The following RTN1 variants were observed in gnomAD, a reference collection of about 807,000 sequenced individuals.
The protein encoded by RTN1 is reticulon-1.
A neutral mutation model predicts 65.5 loss-of-function variants in RTN1; 25 were observed. That is an observed-to-expected ratio of 0.38 (90% confidence interval 0.28 to 0.53). The LOEUF (loss-of-function observed/expected upper bound fraction) is 0.53. Among genes scored for constraint, RTN1 ranks in the 20% least tolerant of loss-of-function variants. RTN1 has a pLI of 0.79. For synonymous variants in RTN1, 471 were observed against 447.6 expected (o/e 1.05, Z -0.66); for missense variants, 983 against 1,025.4 (o/e 0.96, Z 0.57).
chr14:59,702,992 C>T (rs1340250336), intron 3 of RTN1, among the ~76,000 whole-genome samples: 3 of 152,148 alleles, frequency 2.0e-5, no homozygotes, highest in Non-Finnish European at 4.4e-5. Context: ...CTAGGCTGCT[C>T]TTCCACCCCA....
At chr14:59,615,305 T>C (rs8009071) in intron 3 of RTN1, among the ~76,000 whole-genome samples, 41,697 of 151,764 alleles carry the variant, frequency 0.27, 6,415 homozygotes, top group African/African-American at 0.41. Flanking sequence ...CAAAATTAGC[T>C]GGGTATGGTA....
intron 4 of RTN1, 80 bp from the exon 5 acceptor site, chr14:59,605,586 C>T (rs1029772934): frequency 4.8e-6 from 7 of 1,458,130 alleles, no homozygotes; most frequent in Admixed American, 1.8e-5. Context: ...AACAGCTAAG[C>T]GTTCCTACTC....
rs2139638596 is a variant in RTN1 at position 59,829,228 on chromosome 14, T to C, written c.241+41162A>G. Among the ~76,000 whole-genome samples, 1 of 152,302 alleles carries C rather than the reference T, an allele frequency of 6.6e-6. No individual in the cohort carries two copies. The highest frequency in any genetic ancestry group is 1.9e-4 in the East Asian group (1 of 5,178). ...TAAGGATGAATAAGATGTACTCTCTTAGGGAGCCTGTGATCTGGCAGATGA... is the reference window on the plus strand; with the variant it reads ...TAAGGATGAATAAGATGTACTCTCTCAGGGAGCCTGTGATCTGGCAGATGA... On this transcript the variant is annotated intron_variant, in intron 1 of 8. Transcript: ENST00000267484. This position sits in a 1 kb window ranked among gnomAD's most constrained non-coding sequence, Gnocchi z 4.3.
chr14:59,767,910 A>C (rs1426910055), intron 1 of RTN1, among the ~76,000 whole-genome samples: 2 of 152,202 alleles, frequency 1.3e-5, no homozygotes, highest in African/African-American at 2.4e-5. Context: ...TTTATGTAAA[A>C]AGCTACATAC....
intron 1 of RTN1, among the ~76,000 whole-genome samples, chr14:59,810,738 A>G (rs755203229): frequency 2.6e-5 from 4 of 152,312 alleles, no homozygotes; most frequent in Non-Finnish European, 4.4e-5. Context: ...AGAATCTTCA[A>G]TATTCATAGG....
At chr14:59,675,133 G>A (rs1173183968) in intron 3 of RTN1, among the ~76,000 whole-genome samples, 1 of 152,082 alleles carries the variant, frequency 6.6e-6, no homozygotes, top group Non-Finnish European at 1.5e-5. Flanking sequence ...GAAGCTCAGT[G>A]AGTTATGGTG....
At chr14:59,654,290 T>C (rs1431769646) in intron 3 of RTN1, among the ~76,000 whole-genome samples, 1 of 151,588 alleles carries the variant, frequency 6.6e-6, no homozygotes, top group Admixed American at 6.6e-5. Flanking sequence ...AAGCCAGACA[T>C]GGTGGCTCGT....
At chr14:59,826,036 C>G (rs2139634404) in intron 1 of RTN1, among the ~76,000 whole-genome samples, 1 of 152,266 alleles carries the variant, frequency 6.6e-6, no homozygotes, top group East Asian at 1.9e-4. Flanking sequence ...TCCCCAACAC[C>G]TGGATCAAAA....
intron 1 of RTN1, among the ~76,000 whole-genome samples, chr14:59,826,317 A>G (rs547856017): frequency 6.6e-6 from 1 of 152,370 alleles, no homozygotes; most frequent in South Asian, 2.1e-4. Context: ...GTGATAGACT[A>G]TATCTCATTA....
chr14:59,744,030 T>C (rs772572913), intron 2 of RTN1, among the ~76,000 whole-genome samples: 4 of 152,198 alleles, frequency 2.6e-5, no homozygotes, highest in African/African-American at 7.2e-5. Flanking sequence ...AGTGAATCTT[T>C]AAGACCCTTG....
intron 1 of RTN1, among the ~76,000 whole-genome samples, chr14:59,843,165 T>C (rs1442398253): frequency 1.3e-5 from 2 of 152,238 alleles, no homozygotes; most frequent in African/African-American, 2.4e-5. Flanking sequence ...ACTCTCAATA[T>C]GCACAATAAC....
At chr14:59,755,246 T>C (rs117329192) in intron 1 of RTN1, among the ~76,000 whole-genome samples, 1 of 152,182 alleles carries the variant, frequency 6.6e-6, no homozygotes, top group Non-Finnish European at 1.5e-5. Flanking sequence ...TAGACAAACA[T>C]CTGGCTTACC....
chr14:59,857,895 CAT>C, intron 1 of RTN1, among the ~76,000 whole-genome samples: 1 of 152,298 alleles, frequency 6.6e-6, no homozygotes, highest in East Asian at 1.9e-4. Flanking sequence ...CTAGGCTCAT[CAT>C]TGCTCACTTC....
At chr14:59,831,349 C>A (rs1887121434) in intron 1 of RTN1, among the ~76,000 whole-genome samples, 1 of 152,190 alleles carries the variant, frequency 6.6e-6, no homozygotes, top group Non-Finnish European at 1.5e-5. Context: ...AAGAGGCTAA[C>A]CCTCCCTCAA....
At chr14:59,721,957 G>C (rs745850269) in intron 3 of RTN1, among the ~76,000 whole-genome samples, 1 of 151,882 alleles carries the variant, frequency 6.6e-6, no homozygotes, top group Non-Finnish European at 1.5e-5. Flanking sequence ...ACTCCCTGTT[G>C]GTGTTTTTTC....
Position 59,836,767 on chromosome 14 carries a change from G to A in RTN1, c.241+33623C>T, listed in dbSNP as rs568734097. Among the ~76,000 whole-genome samples the A allele has an allele frequency of 6.6e-6, 1 of 152,284 alleles. No individual in the cohort carries two copies. Among genetic ancestry groups the A allele is most frequent in the Admixed American group, 6.5e-5 (1 of 15,288 alleles). On this transcript the variant is annotated intron_variant, in intron 1 of 8. Transcript: ENST00000267484. This position sits in a 1 kb window ranked among gnomAD's most constrained non-coding sequence, Gnocchi z 4.9. Reference sequence around the variant, plus strand: ...GTCAAGGAGGAAGAAAGCCAATGCTGAGCGGGGTGACACATCGCAGGGGTG... The same window carrying A: ...GTCAAGGAGGAAGAAAGCCAATGCTAAGCGGGGTGACACATCGCAGGGGTG...
At chr14:59,667,208 C>T (rs906262340) in intron 3 of RTN1, among the ~76,000 whole-genome samples, 7 of 152,110 alleles carry the variant, frequency 4.6e-5, no homozygotes, top group Admixed American at 1.3e-4. Flanking sequence ...TGAAAATCCT[C>T]AATAAAATAC....
intron 1 of RTN1, among the ~76,000 whole-genome samples, chr14:59,767,687 T>C (rs904001690): frequency 6.6e-6 from 1 of 152,104 alleles, no homozygotes; most frequent in Admixed American, 6.5e-5. Context: ...TATAAGGAGG[T>C]GACATTTAAA....
Position 59,601,868 on chromosome 14 carries a change from C to T in RTN1, c.2288+1197G>A, listed in dbSNP as rs569654915. Among the ~76,000 whole-genome samples the T allele has an allele frequency of 9.9e-5, 15 of 152,248 alleles. 1 individual carries two copies. The East Asian group carries it at 2.9e-3, about 29-fold the overall frequency. On this transcript the variant is annotated intron_variant, in intron 8 of 8. Coordinates refer to ENST00000267484, the MANE Select transcript of RTN1 (RefSeq NM_021136.3). ...GGTTCGGGTACCACCAAGTCTCATA[C>T]TGTGCTATGATACCATTTCTTAATA...
Sources: allele counts gnomAD v4.1 joint callset (sites outside exome capture counted in the v4.1 genomes callset), GRCh38; gene constraint gnomAD v4.1.1; non-coding constraint Gnocchi (gnomAD v3.1); transcripts MANE v1.5; gene names NCBI Gene and HGNC (gene_info 2026-07-23, HGNC 2026-07-21).